AOPEP: variants seen among roughly 807,000 people sequenced by gnomAD.
AOPEP encodes aminopeptidase O (putative), also known as aminopeptidase O.
In AOPEP, 77 loss-of-function variants were observed where a neutral mutation model predicts 98.1. That is an observed-to-expected ratio of 0.78 (90% CI 0.65 to 0.95). The LOEUF is 0.95. Ranked by LOEUF, AOPEP falls within the 40% of genes least tolerant of loss-of-function variation. The pLI is 0.00. For missense variants in AOPEP, 1,024 were observed against 1,024.7 expected (o/e 1.00, Z 0.01); for synonymous variants, 346 against 365.3 (o/e 0.95, Z 0.60).
intron 10 of AOPEP, among the ~76,000 whole-genome samples, chr9:94,971,895 C>T (rs867000278): frequency 2.7e-4 from 41 of 152,344 alleles, no homozygotes; most frequent in African/African-American, 8.9e-4. Context: ...CAGAGAGGGT[C>T]CATCAGTCCC....
intron 1 of AOPEP, among the ~76,000 whole-genome samples, chr9:94,736,712 C>A (rs573322993): frequency 6.6e-6 from 1 of 152,280 alleles, no homozygotes; most frequent in Non-Finnish European, 1.5e-5. Context: ...TGAATGATAT[C>A]CATAAAAGTG....
chr9:94,949,951 T>C (rs988564221), intron 7 of AOPEP, among the ~76,000 whole-genome samples: 2 of 152,218 alleles, frequency 1.3e-5, no homozygotes, highest in African/African-American at 4.8e-5. Context: ...CTTTTATTTA[T>C]TTTCTGATGA....
the AOPEP span, among the ~76,000 whole-genome samples, chr9:95,113,421 T>A: frequency 6.6e-6 from 1 of 152,232 alleles, no homozygotes; most frequent in Non-Finnish European, 1.5e-5. Flanking sequence ...AGTGTTATGA[T>A]ACAAGGAATT....
At chr9:94,809,513 C>T (rs759680702) in intron 5 of AOPEP, among the ~76,000 whole-genome samples, 6 of 152,160 alleles carry the variant, frequency 3.9e-5, no homozygotes, top group Admixed American at 6.5e-5. Flanking sequence ...AGATGGAATT[C>T]GCCTTTCATT....
At chr9:95,101,891 CCAGA>C in the AOPEP span, 1 of 1,612,078 alleles carries the variant, frequency 6.2e-7, no homozygotes, top group Non-Finnish European at 8.5e-7. Context: ...AAAACACTTT[CCAGA>C]CAGATTTGTC....
intron 7 of AOPEP, among the ~76,000 whole-genome samples, chr9:94,929,278 C>T (rs2054894720): frequency 6.6e-6 from 1 of 152,236 alleles, no homozygotes; most frequent in Non-Finnish European, 1.5e-5. Flanking sequence ...AACTGCTCCT[C>T]TCCTCGCCTG....
At position 94,759,632 on chromosome 9, in the gene AOPEP, CT is replaced by C; in HGVS notation, c.-135-14del. 3.1e-6 allele frequency: 2 copies of C among 639,700 alleles called. No individual in the cohort carries two copies. The highest frequency in any genetic ancestry group is 5.3e-6 in the Non-Finnish European group (2 of 380,178). The allele number at this position is 639,700 out of a possible 1,614,324, so 39.6% of individuals were successfully genotyped here. A position where few individuals can be genotyped will look rare whatever the true frequency, so the allele number is the denominator to read the frequency against. ...TTATTTGGAATTTTATCTAATTGTG[CT>C]TTCCTTTTTTGCCAGGAGACTGAAA... On this transcript the variant is annotated splice_polypyrimidine_tract_variant and intron_variant, in intron 1 of 16. Transcript: ENST00000375315.
intron 1 of AOPEP, among the ~76,000 whole-genome samples, chr9:94,747,448 C>T (rs1198784892): frequency 6.6e-6 from 1 of 152,088 alleles, no homozygotes; most frequent in Non-Finnish European, 1.5e-5. Context: ...AATTTAAACT[C>T]TGAATATGCT....
intron 11 of AOPEP, among the ~76,000 whole-genome samples, chr9:94,993,748 C>A (rs2061044045): frequency 6.6e-6 from 1 of 152,132 alleles, no homozygotes; most frequent in South Asian, 2.1e-4. Flanking sequence ...CTTGACTTTG[C>A]AATATGACAT....
chr9:95,132,775 C>A, the AOPEP span, among the ~76,000 whole-genome samples: 2 of 152,190 alleles, frequency 1.3e-5, no homozygotes, highest in Non-Finnish European at 2.9e-5. Flanking sequence ...ATCAGACCTG[C>A]GAGTCCAAGA....
chr9:95,053,349 G>A (rs1017382510), intron 13 of AOPEP, among the ~76,000 whole-genome samples: 4 of 152,156 alleles, frequency 2.6e-5, no homozygotes, highest in Non-Finnish European at 4.4e-5. Context: ...TTGAACCATA[G>A]TTTACATTTT....
intron 5 of AOPEP, among the ~76,000 whole-genome samples, chr9:94,918,446 G>A (rs1435253231): frequency 6.6e-6 from 1 of 152,210 alleles, no homozygotes; most frequent in Non-Finnish European, 1.5e-5. Flanking sequence ...TCCTGGGAGA[G>A]TAGTGAGCAT....
intron 7 of AOPEP, chr9:94,933,001 A>G (rs528078530): frequency 1.0e-6 from 1 of 985,320 alleles, no homozygotes; most frequent in East Asian, 1.1e-4. Context: ...TTCATTTGTT[A>G]ATTATTGAAG....
At chr9:94,905,580 C>T (rs950408459) in intron 5 of AOPEP, among the ~76,000 whole-genome samples, 2 of 152,114 alleles carry the variant, frequency 1.3e-5, no homozygotes, top group African/African-American at 4.8e-5. Flanking sequence ...GGGATAGCCT[C>T]ATCATTCAAA....
intron 13 of AOPEP, among the ~76,000 whole-genome samples, chr9:95,037,648 G>T (rs1268483589): frequency 6.6e-6 from 1 of 152,194 alleles, no homozygotes; most frequent in East Asian, 1.9e-4. Flanking sequence ...AGCATGTCAG[G>T]AGTAGGAATG....
intron 13 of AOPEP, among the ~76,000 whole-genome samples, chr9:95,056,980 T>C (rs2066881212): frequency 6.6e-6 from 1 of 152,198 alleles, no homozygotes; most frequent in African/African-American, 2.4e-5. Flanking sequence ...ATTTTAAAAA[T>C]AATGAGCTGG....
intron 13 of AOPEP, among the ~76,000 whole-genome samples, chr9:95,023,706 G>A (rs373881776): frequency 1.3e-5 from 2 of 152,164 alleles, no homozygotes; most frequent in Non-Finnish European, 2.9e-5. Context: ...CCGCCTCCCA[G>A]CAACTACAGA....
intron 5 of AOPEP, chr9:94,824,260 G>T (rs10732405): frequency 0.86 from 130,729 of 152,212 alleles, 56,289 homozygotes; most frequent in Non-Finnish European, 0.89. Context: ...CTTTAGTTTT[G>T]CTTCTCTCTA....
chr9:95,005,771 T>C lies in AOPEP; in HGVS notation c.2115+155T>C, dbSNP rs73657027. 3.2e-3 allele frequency among the ~76,000 whole-genome samples: 492 copies of C among 152,294 alleles called. 1 individual carries two copies. The highest frequency in any genetic ancestry group is 0.011 in the African/African-American group (477 of 41,548). ...TATATGGGGAAATTCTACAGAAATA[T>C]TGGTCGATAAGGCTAATGATCATTT... On this transcript the variant is annotated intron_variant, in intron 13 of 16. Transcript: ENST00000375315.
Sources: allele counts gnomAD v4.1 joint callset (sites outside exome capture counted in the v4.1 genomes callset), GRCh38; gene constraint gnomAD v4.1.1; transcripts MANE v1.5; gene names NCBI Gene and HGNC (gene_info 2026-07-23, HGNC 2026-07-21).